Variants in PHGDH observed in about 807,000 individuals in gnomAD.
PHGDH encodes the protein D-3-phosphoglycerate dehydrogenase.
A neutral mutation model predicts 52.6 loss-of-function variants in PHGDH; 50 were observed. That is an observed-to-expected ratio of 0.95 (90% CI 0.76 to 1.20). The LOEUF is 1.20. PHGDH is among the 50% of genes most tolerant of loss of function. The pLI, the probability that PHGDH is intolerant of heterozygous loss-of-function variation, is 0.00. For synonymous variants in PHGDH, 271 were observed against 280.5 expected (o/e 0.97, Z 0.34); for missense variants, 630 against 684.6 (o/e 0.92, Z 0.89).
chr1:119,714,298 G>C (rs940488190), intron 1 of PHGDH: 4 of 152,124 alleles, frequency 2.6e-5, no homozygotes, highest in African/African-American at 9.7e-5. Context: ...GGTTCCCACT[G>C]CCTTGTATTC....
chr1:119,740,073 G>T (rs1652120283), intron 8 of PHGDH: 2 of 397,742 alleles, frequency 5.0e-6, no homozygotes, highest in Non-Finnish European at 9.5e-6. Flanking sequence ...TTATTGTGCT[G>T]TCCAATCCCT....
chr1:119,734,962 GT>G (rs1557977160), intron 6 of PHGDH, 196 bp downstream of exon 6: 2 of 667,198 alleles, frequency 3.0e-6, no homozygotes, highest in Admixed American at 4.7e-5. Context: ...AGTGCTTGGG[GT>G]CTAGGTAAGC....
rs781273456 is a variant in PHGDH, at chr1:119,726,855, AT to A, written c.363del (p.Gln123ArgfsTer6). 6.2e-7 allele frequency: 1 copy of A among 1,614,002 alleles called. No homozygotes were observed. The highest frequency in any genetic ancestry group is 1.1e-5 in the South Asian group (1 of 91,076). On this transcript the variant is annotated frameshift_variant, in exon 4 of 12. Coordinates refer to ENST00000641023, the MANE Select transcript of PHGDH (RefSeq NM_006623.4). LOFTEE classifies it high-confidence loss of function. The part of the protein sequence containing the change: ...CGMIMCLARQ[I>X]PQATASMKDG... ...AACCTGTGTCTATCCTTGCAGGCAG[AT>A]TCCCCAGGCGACGGCTTCGATGAAG...
At position 119,742,963 on chromosome 1, in the gene PHGDH, G is replaced by A. The variant is rs952178983; in HGVS notation, c.1366G>A (p.Glu456Lys). ...QGLNGAVFRPEVPLRRDLPLL... is the reference protein window; with the variant it reads ...QGLNGAVFRPKVPLRRDLPLL... Reference sequence around the variant, plus strand: ...GCTCAATGGAGCTGTCTTCAGGCCAGAAGTGCCTCTCCGCAGGGACCTGCC... The same window carrying A: ...GCTCAATGGAGCTGTCTTCAGGCCAAAAGTGCCTCTCCGCAGGGACCTGCC... Residue 456 changes from glutamate to lysine, a missense_variant, in exon 11 of 12, where the codon GAA becomes AAA. Physicochemically the swap from Glu to Lys is moderately conservative, Grantham distance 56. Transcript: ENST00000641023. 4 of 1,614,076 alleles carry A rather than the reference G, an allele frequency of 2.5e-6. No individual in the cohort carries two copies. The highest frequency in any genetic ancestry group is 3.4e-6 in the Non-Finnish European group (4 of 1,180,000).
At position 119,735,388 on chromosome 1, in the gene PHGDH, T is replaced by C; in HGVS notation, c.737T>C (p.Leu246Pro). 6.2e-7 allele frequency: 1 copy of C among 1,614,098 alleles called. No homozygotes were observed. The highest frequency in any genetic ancestry group is 1.1e-5 in the South Asian group (1 of 91,082). Residue 246 changes from leucine (L) to proline (P), a missense_variant, in exon 7 of 12, where the codon CTC becomes CCC. By Grantham distance (98) the Leu-to-Pro change is moderately conservative. Coordinates refer to ENST00000641023, the MANE Select transcript of PHGDH (RefSeq NM_006623.4). The stretch of plus-strand genomic sequence containing the variant: ...GGGATCGTGGACGAAGGCGCCCTGC[T>C]CCGGGCCCTGCAGTCTGGCCAGTGT... ...RGGIVDEGAL[L>P]RALQSGQCAG...
intron 8 of PHGDH, 71 bp downstream of exon 8, chr1:119,737,337 G>A (rs1651989074): frequency 7.5e-7 from 1 of 1,324,668 alleles, no homozygotes; most frequent in Non-Finnish European, 1.1e-6. Flanking sequence ...TCTTGTAGGG[G>A]CTGGTGGCAG....
chr1:119,711,991 C>A lies in PHGDH; in HGVS notation c.-32C>A, dbSNP rs1476443300. 7.2e-5 allele frequency: 116 copies of A among 1,613,094 alleles called. No homozygotes were observed. The highest frequency in any genetic ancestry group is 9.7e-5 in the Non-Finnish European group (114 of 1,179,678). On this transcript the variant is annotated 5_prime_UTR_variant, in exon 1 of 12. Transcript: ENST00000641023. ...GCTTCTTGGCTTAGGTACTTCTACT[C>A]ACAGCGGCCGATTCCGAGGCCAACT...
chr1:119,737,636 G>A (rs1652005097), intron 8 of PHGDH, among the ~76,000 whole-genome samples: 1 of 152,150 alleles, frequency 6.6e-6, no homozygotes, highest in Non-Finnish European at 1.5e-5. Context: ...TGGGGATGTG[G>A]TTGGGGACGG....
chr1:119,736,009 C>T (rs923479187), intron 7 of PHGDH, among the ~76,000 whole-genome samples: 2 of 152,172 alleles, frequency 1.3e-5, no homozygotes, highest in Non-Finnish European at 1.5e-5. Flanking sequence ...CATTTGCACT[C>T]GAATCCTTTT....
chr1:119,727,230 A>C (rs1410607969), intron 5 of PHGDH, 128 bp downstream of exon 5: 1 of 711,734 alleles, frequency 1.4e-6, no homozygotes, highest in Non-Finnish European at 2.6e-6. Context: ...CCCCCATCTA[A>C]ATAAGTGTTA....
At chr1:119,724,224 A>G (rs1651296894) in intron 3 of PHGDH, 1 of 159,830 alleles carries the variant, frequency 6.3e-6, no homozygotes, top group Non-Finnish European at 1.4e-5. Context: ...CTCCCAATAA[A>G]CAGGGTAGGA....
At chr1:119,739,551 T>A (rs1652094267) in intron 8 of PHGDH, 1 of 152,180 alleles carries the variant, frequency 6.6e-6, no homozygotes. Flanking sequence ...ATTCTTCCAA[T>A]GATATCTTTA....
At chr1:119,737,797 A>C (rs776075834) in intron 8 of PHGDH, among the ~76,000 whole-genome samples, 1 of 152,078 alleles carries the variant, frequency 6.6e-6, no homozygotes, top group Non-Finnish European at 1.5e-5. Context: ...TGCTTCCATC[A>C]AGCCCTTCCT....
intron 8 of PHGDH, among the ~76,000 whole-genome samples, chr1:119,737,618 G>A (rs747093561): frequency 5.3e-5 from 8 of 152,280 alleles, no homozygotes; most frequent in Middle Eastern, 3.4e-3. Flanking sequence ...GGACGCAGCC[G>A]CAGCAGGTGG....
intron 8 of PHGDH, among the ~76,000 whole-genome samples, chr1:119,739,204 A>G (rs1283056707): frequency 1.3e-5 from 2 of 152,138 alleles, no homozygotes; most frequent in African/African-American, 2.4e-5. Context: ...GAGCCCTGTG[A>G]TGGACACCTC....
rs79447258 is a variant in PHGDH, at chr1:119,740,558, T to G, written c.1078+40T>G. The G allele has an allele frequency of 9.3e-4, 1,408 of 1,510,254 alleles. 22 individuals are homozygous for G. The African/African-American group carries it at 0.018, about 19-fold the overall frequency. The allele number at this position is 1,510,254 out of a possible 1,614,324, so 93.6% of individuals were successfully genotyped here. The stretch of plus-strand genomic sequence containing the variant: ...TTGCAGAGGGAGGGGGAGGAGGGGA[T>G]GAGGGAGTGTGGGATCTGCCCTGCT... On this transcript the variant is annotated intron_variant, in intron 9 of 11. Coordinates refer to ENST00000641023, the MANE Select transcript of PHGDH (RefSeq NM_006623.4).
In PHGDH at chr1:119,742,925, C is replaced by T. The variant is rs771370547; in HGVS notation, c.1328C>T (p.Pro443Leu). 4 of 1,612,678 alleles carry T rather than the reference C, an allele frequency of 2.5e-6. No individual in the cohort carries two copies. Among genetic ancestry groups the T allele is most frequent in the Non-Finnish European group, 3.4e-6 (4 of 1,178,600 alleles). Residue 443 changes from proline to leucine, a missense_variant, in exon 11 of 12, where the codon CCT becomes CTT. Pro to Leu is a moderately conservative substitution (Grantham distance 98). Transcript: ENST00000641023. ...QAVGLVQGTTPVLQGLNGAVF... is the reference protein window; with the variant it reads ...QAVGLVQGTTLVLQGLNGAVF... ...GTGGGCTTGGTCCAAGGCACTACGC[C>T]TGTACTGCAGGGGCTCAATGGAGCT...
intron 5 of PHGDH, among the ~76,000 whole-genome samples, chr1:119,730,854 T>G (rs903652897): frequency 1.3e-5 from 2 of 152,172 alleles, no homozygotes; most frequent in Non-Finnish European, 2.9e-5. Context: ...GTGCTCCACC[T>G]TGCCCACCAT....
rs761396086 is a variant in PHGDH at position 119,734,774 on chromosome 1, T to A, written c.643+8T>A. The A allele has an allele frequency of 6.2e-7, 1 of 1,614,026 alleles. No individual in the cohort carries two copies. The highest frequency in any genetic ancestry group is 8.5e-7 in the Non-Finnish European group (1 of 1,179,950). On this transcript the variant is annotated splice_region_variant and intron_variant, in intron 6 of 11. Coordinates refer to ENST00000641023, the MANE Select transcript of PHGDH (RefSeq NM_006623.4). The stretch of plus-strand genomic sequence containing the variant: ...TCCTGCCCTCCACGACAGGTAGGTG[T>A]GTCCTTACATTGTGGATTGGTCACA...
Sources: allele counts gnomAD v4.1 joint callset (sites outside exome capture counted in the v4.1 genomes callset), GRCh38; gene constraint gnomAD v4.1.1; transcripts MANE v1.5; gene names NCBI Gene and HGNC (gene_info 2026-07-23, HGNC 2026-07-21).